KICS2: variants seen among roughly 807,000 people sequenced by gnomAD.
KICS2 encodes KICSTOR complex protein C12orf66.
Under a neutral mutation model 31.4 loss-of-function variants are expected in KICS2, and 13 were observed. That is an observed-to-expected ratio of 0.41 (90% CI 0.27 to 0.66). The LOEUF (loss-of-function observed/expected upper bound fraction) is 0.66, where lower values mean the gene tolerates loss of function less well. Among genes scored for constraint, KICS2 ranks in the 30% least tolerant of loss-of-function variants. KICS2 has a pLI of 0.28. For missense variants in KICS2, 455 were observed against 545.4 expected, an observed-to-expected ratio of 0.83 and a Z score of 1.65; for synonymous variants, 209 against 214.8, an observed-to-expected ratio of 0.97 and a Z score of 0.24.
At chr12:64,196,600 G>C (rs1003822730) in intron 2 of KICS2, among the ~76,000 whole-genome samples, 3 of 151,686 alleles carry the variant, frequency 2.0e-5, no homozygotes, top group African/African-American at 7.3e-5. Flanking sequence ...GCTGGATGGA[G>C]AATGACTTTG....
At chr12:64,201,720 G>A (rs956967527) in intron 2 of KICS2, among the ~76,000 whole-genome samples, 2 of 151,610 alleles carry the variant, frequency 1.3e-5, no homozygotes, top group African/African-American at 2.4e-5. Context: ...ACATGTGCCT[G>A]TAATCCCAGC....
intron 2 of KICS2, among the ~76,000 whole-genome samples, chr12:64,196,356 G>T (rs1248024208): frequency 6.6e-6 from 1 of 151,536 alleles, no homozygotes; most frequent in Non-Finnish European, 1.5e-5. Flanking sequence ...ACCTCACACG[G>T]CAGGGTATTC....
chr12:64,192,498 G>A lies in KICS2; in HGVS notation c.*1344C>T. 1 of 608,436 alleles carries A rather than the reference G, an allele frequency of 1.6e-6. No homozygotes were observed. Among genetic ancestry groups the A allele is most frequent in the Non-Finnish European group, 2.1e-6 (1 of 485,800 alleles). The allele number at this position is 608,436 out of a possible 1,614,324, so 37.7% of individuals were successfully genotyped here. A position where few individuals can be genotyped will look rare whatever the true frequency, so the allele number is the denominator to read the frequency against. The stretch of plus-strand genomic sequence containing the variant: ...CTACATGGACTCTGAGGGGCTCTCT[G>A]GTCTCTGCTGATGTTGCTGGCATAC... On this transcript the variant is annotated 3_prime_UTR_variant, in exon 3 of 3. Coordinates refer to ENST00000398055, the MANE Select transcript of KICS2 (RefSeq NM_152440.5).
At chr12:64,215,026 C>A (rs979493885) in intron 2 of KICS2, among the ~76,000 whole-genome samples, 1 of 151,920 alleles carries the variant, frequency 6.6e-6, no homozygotes, top group African/African-American at 2.4e-5. Context: ...TTATTTTCAG[C>A]CAGGTGCATT....
chr12:64,195,920 T>C (rs1331694295), intron 2 of KICS2, among the ~76,000 whole-genome samples: 2 of 152,148 alleles, frequency 1.3e-5, no homozygotes, highest in Admixed American at 6.5e-5. Context: ...CACCACGAGA[T>C]TATATCCCAC....
At chr12:64,212,127 T>C (rs556212982) in intron 2 of KICS2, among the ~76,000 whole-genome samples, 6 of 144,614 alleles carry the variant, frequency 4.1e-5, no homozygotes, top group African/African-American at 1.2e-4. Context: ...TATATGTTCA[T>C]TGTACAGTCA....
Position 64,193,887 on chromosome 12 carries a change from C to T in KICS2, c.1293G>A (p.Lys431=), listed in dbSNP as rs781697564. ...TCAGACTTGCAAACACTTTGGGGTT[C>T]TTAAGGGCAAGTGAGACCTCATTGA... ...SFLNEVSLAL[K]NPKVFASLKP... The change falls in exon 3 of 3, where the codon AAG becomes AAA. Residue 431 remains lysine (K), a synonymous_variant. Transcript: ENST00000398055. 2.1e-5 allele frequency: 34 copies of T among 1,614,014 alleles called. No individual in the cohort carries two copies. Among genetic ancestry groups the T allele is most frequent in the Non-Finnish European group, 2.6e-5 (31 of 1,180,038 alleles).
At chr12:64,215,181 G>A (rs556431071) in intron 2 of KICS2, among the ~76,000 whole-genome samples, 22 of 151,404 alleles carry the variant, frequency 1.5e-4, no homozygotes, top group Admixed American at 7.2e-4. Context: ...TGGGTGTGGC[G>A]TGTACCTATA....
intron 2 of KICS2, among the ~76,000 whole-genome samples, chr12:64,199,216 A>C (rs1262264117): frequency 1.7e-5 from 1 of 58,178 alleles, no homozygotes; most frequent in African/African-American, 6.6e-5. Context: ...AAATACTGGC[A>C]AACCGAATCC....
chr12:64,215,665 T>A lies in KICS2; in HGVS notation c.521+13A>T, dbSNP rs200351380. On this transcript the variant is annotated intron_variant, in intron 2 of 2. Transcript: ENST00000398055. ...ACAGCCACGCTTTCTCCCTCCCTCC[T>A]CCCCACACTGACCTGGAGCTGTATT... The A allele has an allele frequency of 6.2e-7, 1 of 1,606,994 alleles. No homozygotes were observed. Among genetic ancestry groups the A allele is most frequent in the African/African-American group, 1.3e-5 (1 of 74,790 alleles).
chr12:64,222,170 G>A lies in KICS2; in HGVS notation c.68C>T (p.Ser23Phe), dbSNP rs775455511. Residue 23 changes from serine to phenylalanine, a missense_variant, in exon 1 of 3, where the codon TCT (serine) becomes TTT (phenylalanine). By Grantham distance (155) the Ser-to-Phe change is radical. Transcript: ENST00000398055. ...VEQAVLETFFSHLGIFSYDKA... is the reference protein window; with the variant it reads ...VEQAVLETFFFHLGIFSYDKA... ...GTCGTAAGAGAAGATACCCAGGTGA[G>A]AGAAGAACGTCTCCAGCACCGCCTG... The A allele has an allele frequency of 2.5e-6, 4 of 1,614,128 alleles. No individual in the cohort carries two copies. The highest frequency in any genetic ancestry group is 1.7e-6 in the Non-Finnish European group (2 of 1,179,972).
In KICS2 at chr12:64,192,441, G is replaced by T. The variant is rs789749; in HGVS notation, c.*1401C>A. The T allele has an allele frequency of 1.1e-3, 237 of 223,406 alleles. No individual in the cohort carries two copies. The highest frequency in any genetic ancestry group is 5.1e-3 in the African/African-American group (218 of 42,716). 13.8% of individuals were successfully genotyped at this position (223,406 alleles called of 1,614,324 possible). A position where few individuals can be genotyped will look rare whatever the true frequency, so the allele number is the denominator to read the frequency against. ...TGCCTGGCCGGTTCTTCTTTCTTCT[G>T]CCAGGCAGTCCACCCTAGGTGGGCA... On this transcript the variant is annotated 3_prime_UTR_variant, in exon 3 of 3. Transcript: ENST00000398055.
Position 64,194,338 on chromosome 12 carries a change from G to A in KICS2, c.842C>T (p.Thr281Met), listed in dbSNP as rs777802497. The A allele has an allele frequency of 1.2e-5, 19 of 1,614,180 alleles. No individual in the cohort carries two copies. The highest frequency in any genetic ancestry group is 6.7e-5 in the East Asian group (3 of 44,892). The change falls in exon 3 of 3, where the codon ACG becomes ATG. Residue 281 changes from threonine to methionine, a missense_variant. Physicochemically the swap from Thr to Met is moderately conservative, Grantham distance 81. Transcript: ENST00000398055. ...CAACGTTTTCATTTCTGAAGCAGTCGTTTGTCGGCTCAGAGCCTCATGAAA... is the reference window on the plus strand; with the variant it reads ...CAACGTTTTCATTTCTGAAGCAGTCATTTGTCGGCTCAGAGCCTCATGAAA... ...FYFHEALSRQ[T>M]TASEMKTLTA...
intron 2 of KICS2, among the ~76,000 whole-genome samples, chr12:64,202,779 G>A (rs1565716716): frequency 6.6e-6 from 1 of 151,678 alleles, no homozygotes; most frequent in Non-Finnish European, 1.5e-5. Context: ...GTAAAACACT[G>A]TTCTACTTCA....
chr12:64,207,875 C>T (rs372674396), intron 2 of KICS2, among the ~76,000 whole-genome samples: 243 of 152,222 alleles, frequency 1.6e-3, no homozygotes, highest in African/African-American at 4.9e-3. Context: ...ATTCTGAGCA[C>T]AAAAACAACA....
chr12:64,209,284 C>T (rs973106735), intron 2 of KICS2, among the ~76,000 whole-genome samples: 2 of 151,932 alleles, frequency 1.3e-5, no homozygotes, highest in Non-Finnish European at 2.9e-5. Flanking sequence ...CTTATATATG[C>T]TTAATAATGT....
At chr12:64,189,983 T>G (rs954339309), downstream of KICS2, among the ~76,000 whole-genome samples, 3 of 151,688 alleles carry the variant, frequency 2.0e-5, no homozygotes, top group Non-Finnish European at 2.9e-5. Context: ...AAAAAAGAAA[T>G]CATAATATAG....
intron 1 of KICS2, among the ~76,000 whole-genome samples, chr12:64,219,980 T>C (rs1396544691): frequency 6.6e-6 from 1 of 152,202 alleles, no homozygotes; most frequent in Non-Finnish European, 1.5e-5. Context: ...CGGGTAATTG[T>C]GTAGTCGTAT....
chr12:64,201,756 T>C (rs2037492295), intron 2 of KICS2, among the ~76,000 whole-genome samples: 1 of 149,614 alleles, frequency 6.7e-6, no homozygotes, highest in Non-Finnish European at 1.5e-5. Context: ...GGCACGAGAA[T>C]TGCTTGAACC....
Sources: allele counts gnomAD v4.1 joint callset (sites outside exome capture counted in the v4.1 genomes callset), GRCh38; gene constraint gnomAD v4.1.1; transcripts MANE v1.5; gene names NCBI Gene and HGNC (gene_info 2026-07-23, HGNC 2026-07-21).